Variants in PRKG2 observed in about 807,000 individuals in gnomAD.
PRKG2 encodes protein kinase cGMP-dependent 2.
PRKG2 carries 33 observed loss-of-function variants against 97.2 expected under a neutral mutation model. The ratio of observed to expected loss-of-function variants is 0.34; its 90% confidence interval spans 0.26 to 0.45. PRKG2 has a LOEUF of 0.45. Among genes scored for constraint, PRKG2 ranks in the 20% least tolerant of loss-of-function variants. The pLI is 1.00. For synonymous variants in PRKG2, 330 were observed against 321.8 expected (o/e 1.03, Z -0.27); for missense variants, 638 against 900.0 (o/e 0.71, Z 3.73).
chr4:81,154,885 A>G, intron 6 of PRKG2, among the ~76,000 whole-genome samples: 1 of 152,072 alleles, frequency 6.6e-6, no homozygotes, highest in East Asian at 1.9e-4. Context: ...AATTTAGAAG[A>G]ATGTATAGGC....
At chr4:81,175,023 C>G in intron 2 of PRKG2, 64 bp from the exon 3 acceptor site, 31 of 1,398,374 alleles carry the variant, frequency 2.2e-5, no homozygotes, top group Non-Finnish European at 3.0e-5. Context: ...TATTTAGATT[C>G]ACTTTATTCT....
At chr4:81,155,669 C>A (rs1042476637) in intron 6 of PRKG2, among the ~76,000 whole-genome samples, 8 of 151,716 alleles carry the variant, frequency 5.3e-5, no homozygotes, top group African/African-American at 1.9e-4. Flanking sequence ...ATGTTAAGGG[C>A]AGCCAGAGAG....
At chr4:81,189,066 T>TAAAAAAAAAAAA in intron 2 of PRKG2, among the ~76,000 whole-genome samples, 180 of 17,062 alleles carry the variant, frequency 0.011, 8 homozygotes, top group Middle Eastern at 0.056. Flanking sequence ...AAAAAAATAA[T>TAAAAAAAAAAAA]AAAAAAAAAA....
chr4:81,154,582 C>G (rs1369197402), intron 6 of PRKG2, among the ~76,000 whole-genome samples: 1 of 147,418 alleles, frequency 6.8e-6, no homozygotes, highest in African/African-American at 2.7e-5. Context: ...GGAAAACTAA[C>G]AAACAGAAAG....
chr4:81,123,136 G>A (rs552392576), intron 14 of PRKG2, among the ~76,000 whole-genome samples: 2 of 152,276 alleles, frequency 1.3e-5, no homozygotes, highest in African/African-American at 2.4e-5. Flanking sequence ...GGATCTAAAT[G>A]TTCTACCAGT....
chr4:81,143,032 G>C, intron 10 of PRKG2, 85 bp from the exon 11 acceptor site: 1 of 1,416,814 alleles, frequency 7.1e-7, no homozygotes, highest in Non-Finnish European at 9.4e-7. Context: ...TCCTACGACA[G>C]TCTAATTTCT....
intron 5 of PRKG2, 93 bp downstream of exon 5, chr4:81,169,570 T>G: frequency 1.1e-6 from 1 of 905,374 alleles, no homozygotes; most frequent in East Asian, 2.6e-5. Context: ...TAAATGGAAG[T>G]AGCTATAGTT....
At chr4:81,146,403 C>T (rs890201130) in intron 9 of PRKG2, among the ~76,000 whole-genome samples, 3 of 149,754 alleles carry the variant, frequency 2.0e-5, no homozygotes, top group Non-Finnish European at 4.4e-5. Context: ...TCCCAACAGT[C>T]AGTGATAGAG....
chr4:81,176,283 G>A (rs1307011438), intron 2 of PRKG2, among the ~76,000 whole-genome samples: 1 of 152,060 alleles, frequency 6.6e-6, no homozygotes, highest in Non-Finnish European at 1.5e-5. Context: ...TGGCACCACA[G>A]TCCAAGAACA....
chr4:81,124,811 TATTG>T (rs1745397629), intron 14 of PRKG2, among the ~76,000 whole-genome samples: 1 of 152,196 alleles, frequency 6.6e-6, no homozygotes, highest in South Asian at 2.1e-4. Context: ...CATAAATGAT[TATTG>T]TTGTTTTAAG....
In PRKG2 at chr4:81,197,124, G is replaced by C. The variant is rs976119539; in HGVS notation, c.461+7463C>G. 9.2e-5 allele frequency among the ~76,000 whole-genome samples: 14 copies of C among 152,286 alleles called. 1 individual carries two copies. The highest frequency in any genetic ancestry group is 3.4e-4 in the African/African-American group (14 of 41,562). On this transcript the variant is annotated intron_variant, in intron 2 of 18. Transcript: ENST00000264399. ...TGAATGCTGCTCACTAGGAGGCAAA[G>C]GCCAGTGGTGATGTTTCTCTCTTAT...
Position 81,155,446 on chromosome 4 carries a change from C to T in PRKG2, c.913-1725G>A, listed in dbSNP as rs1436668328. On this transcript the variant is annotated intron_variant, in intron 6 of 18. Coordinates refer to ENST00000264399, the MANE Select transcript of PRKG2 (RefSeq NM_006259.3). ...GGACTATGTGAAAAGACCAAATCTA[C>T]GTCTGATTGGTGTACCTGAAAGTGA... Among the ~76,000 whole-genome samples the T allele has an allele frequency of 5.3e-5, 8 of 152,004 alleles. No homozygotes were observed. The East Asian group carries it at 7.8e-4, about 15-fold the overall frequency.
chr4:81,185,584 A>AG (rs1751805827), intron 2 of PRKG2, among the ~76,000 whole-genome samples: 1 of 152,178 alleles, frequency 6.6e-6, no homozygotes, highest in African/African-American at 2.4e-5. Context: ...GGGCAAAATA[A>AG]CCAGCTAGCA....
chr4:81,207,763 T>C (rs1753757483), intron 1 of PRKG2, among the ~76,000 whole-genome samples: 2 of 152,198 alleles, frequency 1.3e-5, no homozygotes, highest in Admixed American at 1.3e-4. Flanking sequence ...TTCAAGTCAC[T>C]AATTTAAGAT....
At chr4:81,155,163 G>A (rs1748911960) in intron 6 of PRKG2, among the ~76,000 whole-genome samples, 1 of 91,496 alleles carries the variant, frequency 1.1e-5, no homozygotes, top group Non-Finnish European at 1.8e-5. Context: ...GGGCGACAGA[G>A]CGAGACTCCG....
chr4:81,216,218 T>C (rs909476722), upstream of PRKG2, among the ~76,000 whole-genome samples: 9 of 152,154 alleles, frequency 5.9e-5, no homozygotes, highest in African/African-American at 2.2e-4. Flanking sequence ...ATGAGGCCCA[T>C]GTAAAATATG....
intron 16 of PRKG2, among the ~76,000 whole-genome samples, chr4:81,105,583 T>C (rs974100210): frequency 6.6e-6 from 1 of 152,116 alleles, no homozygotes. Context: ...GTCTGAAAAA[T>C]TTAGATCTTT....
intron 9 of PRKG2, among the ~76,000 whole-genome samples, chr4:81,145,419 A>G (rs1369465285): frequency 1.3e-5 from 2 of 152,172 alleles, no homozygotes; most frequent in Admixed American, 6.6e-5. Flanking sequence ...TCTTGTCTCA[A>G]GATAACTCTC....
At chr4:81,149,088 C>T in intron 8 of PRKG2, 136 bp from the exon 9 acceptor site, 2 of 765,496 alleles carry the variant, frequency 2.6e-6, no homozygotes, top group Admixed American at 4.4e-5. Flanking sequence ...TTTTAAACAT[C>T]ATAATTTATA....
Sources: gnomAD v4.1 joint callset for allele counts (sites outside exome capture counted in the v4.1 genomes callset) on GRCh38, gnomAD v4.1.1 for gene constraint, MANE v1.5 for transcripts, NCBI Gene and HGNC (gene_info 2026-07-23, HGNC 2026-07-21) for gene names.